The following CNTN6 variants were observed in gnomAD, a reference collection of about 807,000 sequenced individuals.
CNTN6 encodes contactin 6.
Under a neutral mutation model 122.8 loss-of-function variants are expected in CNTN6, and 137 were observed. That is an observed-to-expected ratio of 1.12 (90% CI 0.97 to 1.29). The LOEUF is 1.29. CNTN6 is among the 50% of genes most tolerant of loss of function. The pLI is 0.00. For synonymous variants in CNTN6, 570 were observed against 426.0 expected (o/e 1.34, Z -4.16); for missense variants, 1,634 against 1,223.4 (o/e 1.34, Z -5.01).
At chr3:1,166,708 AAAG>A (rs2093257862) in intron 2 of CNTN6, among the ~76,000 whole-genome samples, 1 of 152,146 alleles carries the variant, frequency 6.6e-6, no homozygotes, top group Non-Finnish European at 1.5e-5. Flanking sequence ...CAGTCATAAA[AAAG>A]AATGAGTTCA....
intron 2 of CNTN6, among the ~76,000 whole-genome samples, chr3:1,205,918 G>A (rs1242669350): frequency 1.3e-5 from 2 of 152,104 alleles, no homozygotes; most frequent in Non-Finnish European, 2.9e-5. Flanking sequence ...TATTCATTAG[G>A]GAAAAATAGG....
At chr3:1,372,781 A>T (rs1196698806) in intron 13 of CNTN6, 57 bp from the exon 14 acceptor site, 1 of 1,019,826 alleles carries the variant, frequency 9.8e-7, no homozygotes, top group East Asian at 2.4e-5. Flanking sequence ...GTAACAATAA[A>T]GTAGGACTTG....
intron 4 of CNTN6, among the ~76,000 whole-genome samples, chr3:1,233,696 G>A (rs889465209): frequency 8.3e-6 from 1 of 120,404 alleles, no homozygotes; most frequent in Non-Finnish European, 1.6e-5. Context: ...GATCGTGCCA[G>A]TACACTCCAG....
At chr3:1,136,015 G>A (rs888126181) in intron 1 of CNTN6, among the ~76,000 whole-genome samples, 2 of 152,104 alleles carry the variant, frequency 1.3e-5, no homozygotes, top group South Asian at 2.1e-4. Flanking sequence ...TTATGCCATC[G>A]TGTGTGGTTA....
Position 1,227,880 on chromosome 3 carries a change from G to T in CNTN6, c.245G>T (p.Gly82Val). 6.2e-7 allele frequency: 1 copy of T among 1,613,980 alleles called. No homozygotes were observed. Among genetic ancestry groups the T allele is most frequent in the Non-Finnish European group, 8.5e-7 (1 of 1,179,964 alleles). The change falls in exon 4 of 23, where the codon GGC becomes GTC. Residue 82 changes from glycine to valine, a missense_variant. Coordinates refer to ENST00000446702, the MANE Select transcript of CNTN6 (RefSeq NM_001289080.2). ...AGTTATCACTACAGGTTGGATGGAG[G>T]CAGTCTTGCAATCAATAGCCCCCAC... The part of the protein sequence containing the change: ...TMSYHYRLDG[G>V]SLAINSPHTD...
intron 7 of CNTN6, among the ~76,000 whole-genome samples, chr3:1,307,008 CCTTCATTT>C (rs1698467777): frequency 6.6e-6 from 1 of 152,106 alleles, no homozygotes; most frequent in African/African-American, 2.4e-5. Context: ...ATCATTAATT[CCTTCATTT>C]CTTCATTTAG....
chr3:1,386,913 C>G (rs148578727), intron 20 of CNTN6, among the ~76,000 whole-genome samples: 1 of 152,176 alleles, frequency 6.6e-6, no homozygotes, highest in East Asian at 1.9e-4. Context: ...CGTATATATG[C>G]GTATATTTGT....
chr3:1,187,771 C>G (rs2093649949), intron 2 of CNTN6, among the ~76,000 whole-genome samples: 1 of 152,188 alleles, frequency 6.6e-6, no homozygotes, highest in African/African-American at 2.4e-5. Flanking sequence ...GTCAGATGCC[C>G]AAGAAGCTGG....
intron 4 of CNTN6, among the ~76,000 whole-genome samples, chr3:1,232,145 A>G (rs1337290656): frequency 6.6e-6 from 1 of 152,238 alleles, no homozygotes; most frequent in Non-Finnish European, 1.5e-5. Flanking sequence ...CTTATAATAT[A>G]TAACTCTACC....
chr3:1,223,709 G>T (rs2094239992), intron 3 of CNTN6, among the ~76,000 whole-genome samples: 1 of 152,032 alleles, frequency 6.6e-6, no homozygotes, highest in South Asian at 2.1e-4. Context: ...TCAGAAAAAA[G>T]GATTTCTGAC....
intron 11 of CNTN6, among the ~76,000 whole-genome samples, chr3:1,337,819 T>G (rs155234): frequency 0.47 from 70,723 of 151,958 alleles, 18,794 homozygotes; most frequent in Non-Finnish European, 0.61. Flanking sequence ...TCTTGCCTGT[T>G]TCACATGAAG....
At chr3:1,364,859 A>T (rs1707984044) in intron 12 of CNTN6, among the ~76,000 whole-genome samples, 1 of 152,000 alleles carries the variant, frequency 6.6e-6, no homozygotes, top group Admixed American at 6.6e-5. Context: ...TAAGAATAGG[A>T]CTGCTAGATG....
intron 11 of CNTN6, among the ~76,000 whole-genome samples, chr3:1,332,789 G>A (rs1702506718): frequency 6.6e-6 from 1 of 151,942 alleles, no homozygotes. Context: ...GCCTGTTCAG[G>A]CCCAAGGTTG....
rs142583652 is a variant in CNTN6, at chr3:1,350,081, T to C, written c.1365-2243T>C. Among the ~76,000 whole-genome samples, 429 of 152,026 alleles carry C rather than the reference T, an allele frequency of 2.8e-3. 3 individuals are homozygous for C. The highest frequency in any genetic ancestry group is 5.2e-3 in the Non-Finnish European group (352 of 67,856). Reference sequence around the variant, plus strand: ...TTTTCATAAGATCATAAGTAAGATGTAGTCTTACTTTGAAGTAAAGAAAAA... The same window carrying C: ...TTTTCATAAGATCATAAGTAAGATGCAGTCTTACTTTGAAGTAAAGAAAAA... On this transcript the variant is annotated intron_variant, in intron 11 of 22. Coordinates refer to ENST00000446702, the MANE Select transcript of CNTN6 (RefSeq NM_001289080.2).
At chr3:1,246,045 A>G (rs888261801) in intron 4 of CNTN6, among the ~76,000 whole-genome samples, 3 of 152,186 alleles carry the variant, frequency 2.0e-5, no homozygotes, top group African/African-American at 7.2e-5. Flanking sequence ...GTTTTAAGGT[A>G]TTAATTTATG....
At chr3:1,206,519 A>G (rs564589426) in intron 2 of CNTN6, among the ~76,000 whole-genome samples, 1 of 152,248 alleles carries the variant, frequency 6.6e-6, no homozygotes, top group East Asian at 1.9e-4. Context: ...TTCTTATGCA[A>G]CTGCATCATG....
chr3:1,387,667 G>C (rs1693249594), intron 20 of CNTN6, among the ~76,000 whole-genome samples: 1 of 152,084 alleles, frequency 6.6e-6, no homozygotes, highest in African/African-American at 2.4e-5. Flanking sequence ...CATCTCACTA[G>C]GGGGTGCCAG....
At chr3:1,112,195 G>T (rs986208097) in intron 1 of CNTN6, among the ~76,000 whole-genome samples, 5 of 152,274 alleles carry the variant, frequency 3.3e-5, no homozygotes, top group African/African-American at 1.2e-4. Context: ...CTTTCTAAAA[G>T]AGCTCACAGC....
In CNTN6 at chr3:1,321,691, C is replaced by A; in HGVS notation, c.803C>A (p.Pro268Gln). 2 of 1,611,472 alleles carry A rather than the reference C, an allele frequency of 1.2e-6. No homozygotes were observed. Among genetic ancestry groups the A allele is most frequent in the Non-Finnish European group, 1.7e-6 (2 of 1,178,416 alleles). ...AGTTGGAGAAGGTTGGACGGGAGCC[C>A]GTTGCCAGGGAAAGTCAAGTACAGC... ...DISWRRLDGSPLPGKVKYSKS... is the reference protein window; with the variant it reads ...DISWRRLDGSQLPGKVKYSKS... The change falls in exon 8 of 23, where the codon CCG (proline) becomes CAG (glutamine). Residue 268 changes from proline (P) to glutamine (Q), a missense_variant. Transcript: ENST00000446702.
Sources: allele counts gnomAD v4.1 joint callset (sites outside exome capture counted in the v4.1 genomes callset), GRCh38; gene constraint gnomAD v4.1.1; transcripts MANE v1.5; gene names NCBI Gene and HGNC (gene_info 2026-07-23, HGNC 2026-07-21).